The following SLC7A1 variants were observed in gnomAD, a reference collection of about 807,000 sequenced individuals.
The protein encoded by SLC7A1 is high affinity cationic amino acid transporter 1.
Under a neutral mutation model 53.9 loss-of-function variants are expected in SLC7A1, and 10 were observed. The ratio of observed to expected loss-of-function variants is 0.19; its 90% CI spans 0.11 to 0.31. The LOEUF (loss-of-function observed/expected upper bound fraction) is 0.31, where lower values mean the gene tolerates loss of function less well. SLC7A1 is among the 10% of genes least tolerant of loss of function. The pLI is 1.00. For synonymous variants in SLC7A1, 342 were observed against 338.7 expected (o/e 1.01, Z -0.11); for missense variants, 525 against 827.2 (o/e 0.63, Z 4.48).
intron 9 of SLC7A1, among the ~76,000 whole-genome samples, chr13:29,519,039 T>C (rs1419368559): frequency 2.0e-5 from 3 of 152,194 alleles, no homozygotes; most frequent in Non-Finnish European, 4.4e-5. Flanking sequence ...TGCAGAAGCA[T>C]TATGCTGAGC....
chr13:29,531,016 C>T (rs1869130642), intron 4 of SLC7A1, among the ~76,000 whole-genome samples: 2 of 152,146 alleles, frequency 1.3e-5, no homozygotes, highest in South Asian at 2.1e-4. Flanking sequence ...AGCATGAGCC[C>T]CTCTCATAGG....
intron 1 of SLC7A1, among the ~76,000 whole-genome samples, chr13:29,565,795 C>T (rs1870943884): frequency 6.6e-6 from 1 of 152,190 alleles, no homozygotes; most frequent in Non-Finnish European, 1.5e-5. Context: ...CCCACCTTAC[C>T]ATTTCCCTGC....
At position 29,545,989 on chromosome 13, in the gene SLC7A1, C is replaced by T. The variant is rs932142002; in HGVS notation, c.-15+7772G>A. On this transcript the variant is annotated intron_variant, in intron 2 of 12. Coordinates refer to ENST00000380752, the MANE Select transcript of SLC7A1 (RefSeq NM_003045.5). ...GGTGCTTCATCAGGAGAGACGCCCA[C>T]GCCCTGTGTGCAGAAATGTGTTACA... 1.0e-3 allele frequency among the ~76,000 whole-genome samples: 159 copies of T among 152,342 alleles called. 2 individuals carry two copies. Among genetic ancestry groups the T allele is most frequent in the Non-Finnish European group, 1.8e-4 (12 of 68,036 alleles).
At chr13:29,576,293 T>TTTTAAAAAAAAAAAAAAA (rs552407983) in intron 1 of SLC7A1, among the ~76,000 whole-genome samples, 1 of 124,954 alleles carries the variant, frequency 8.0e-6, no homozygotes, top group African/African-American at 3.7e-5. Context: ...TCCTGTTTTT[T>TTTTAAAAAAAAAAAAAAA]AAAAAAAAAA....
Position 29,519,422 on chromosome 13 carries a change from T to A in SLC7A1, c.1292+25A>T, listed in dbSNP as rs140997966. 216 of 1,395,278 alleles carry A rather than the reference T, an allele frequency of 1.5e-4. No individual in the cohort carries two copies. In the African/African-American group the frequency reaches 2.6e-3, roughly 17 times the overall value. 86.4% of individuals were successfully genotyped at this position (1,395,278 alleles called of 1,614,324 possible). ...ACCAGGTGCATCTGCATTTCTGTCA[T>A]GAGACCCCCAAAAGCCATACATACC... On this transcript the variant is annotated intron_variant, in intron 9 of 12. Transcript: ENST00000380752.
chr13:29,562,652 T>C (rs567528899), intron 1 of SLC7A1, among the ~76,000 whole-genome samples: 1 of 152,316 alleles, frequency 6.6e-6, no homozygotes, highest in East Asian at 1.9e-4. Context: ...ACAGTTATCA[T>C]TGTTGTGGTA....
chr13:29,535,832 G>A lies in SLC7A1; in HGVS notation c.357C>T (p.Leu119=), dbSNP rs774429325. Residue 119 remains leucine, a synonymous_variant, in exon 3 of 13, where the codon CTC becomes CTT. Transcript: ENST00000380752. ...CCTGGGACCTACCGATGATGTAGGAGAGGATTAAGTTCCAGCCGGTGATGA... is the reference window on the plus strand; with the variant it reads ...CCTGGGACCTACCGATGATGTAGGAAAGGATTAAGTTCCAGCCGGTGATGA... ...WAFITGWNLI[L]SYIIGTSSVA... 4 of 1,613,682 alleles carry A rather than the reference G, an allele frequency of 2.5e-6. No individual in the cohort carries two copies. Among genetic ancestry groups the A allele is most frequent in the Non-Finnish European group, 3.4e-6 (4 of 1,179,710 alleles).
At chr13:29,590,737 C>T (rs1365379794) in intron 1 of SLC7A1, among the ~76,000 whole-genome samples, 3 of 152,158 alleles carry the variant, frequency 2.0e-5, no homozygotes, top group Non-Finnish European at 4.4e-5. Context: ...ATTTAGAAAC[C>T]CACCCAAGGA....
At chr13:29,570,315 A>C (rs1212935603) in intron 1 of SLC7A1, among the ~76,000 whole-genome samples, 1 of 152,218 alleles carries the variant, frequency 6.6e-6, no homozygotes, top group Non-Finnish European at 1.5e-5. Flanking sequence ...TGAATAGAAA[A>C]ATTCTTTCCA....
chr13:29,542,266 C>T (rs1869697518), intron 2 of SLC7A1, among the ~76,000 whole-genome samples: 1 of 152,058 alleles, frequency 6.6e-6, no homozygotes, highest in Non-Finnish European at 1.5e-5. Context: ...ACCAGCCTGG[C>T]CAACATGGTG....
chr13:29,519,283 C>T (rs1029020625), intron 9 of SLC7A1, among the ~76,000 whole-genome samples, 164 bp downstream of exon 9: 4 of 152,304 alleles, frequency 2.6e-5, no homozygotes, highest in Non-Finnish European at 4.4e-5. Context: ...GGACGTCCTC[C>T]TAACTGGGCT....
chr13:29,557,778 A>AGGAGTGAATGTGAATGAGGG (rs1870508732), intron 1 of SLC7A1, among the ~76,000 whole-genome samples: 1 of 67,994 alleles, frequency 1.5e-5, no homozygotes, highest in Non-Finnish European at 2.8e-5. Flanking sequence ...TGAGTGAGGG[A>AGGAGTGAATGTGAATGAGGG]GGAGTGAATG....
intron 1 of SLC7A1, among the ~76,000 whole-genome samples, chr13:29,564,653 G>A (rs1182727538): frequency 6.6e-6 from 1 of 152,172 alleles, no homozygotes; most frequent in African/African-American, 2.4e-5. Context: ...AGAGGCAATG[G>A]GATGAGGAGG....
At chr13:29,536,555 A>C (rs1255884676) in intron 2 of SLC7A1, among the ~76,000 whole-genome samples, 2 of 152,244 alleles carry the variant, frequency 1.3e-5, no homozygotes, top group South Asian at 2.1e-4. Flanking sequence ...CTCAGTCATC[A>C]GATAATACAC....
intron 8 of SLC7A1, among the ~76,000 whole-genome samples, chr13:29,520,440 C>G (rs1021338451): frequency 6.6e-6 from 1 of 152,206 alleles, no homozygotes; most frequent in East Asian, 1.9e-4. Flanking sequence ...AGTCACTTCA[C>G]GTGGAAGAAA....
intron 2 of SLC7A1, among the ~76,000 whole-genome samples, chr13:29,543,000 C>G (rs1392882216): frequency 3.3e-5 from 5 of 152,182 alleles, no homozygotes; most frequent in African/African-American, 1.2e-4. Context: ...AAGGATATAA[C>G]TAAATTCCAC....
chr13:29,589,359 A>G (rs994238422), intron 1 of SLC7A1, among the ~76,000 whole-genome samples: 2 of 152,216 alleles, frequency 1.3e-5, no homozygotes, highest in Non-Finnish European at 2.9e-5. Context: ...CTGGATGGTG[A>G]TAAATCAAAC....
intron 1 of SLC7A1, among the ~76,000 whole-genome samples, chr13:29,563,014 G>T (rs1446492201): frequency 2.0e-5 from 3 of 152,194 alleles, no homozygotes; most frequent in Admixed American, 6.5e-5. Context: ...GCTGTGCACT[G>T]CAAAAGGCTA....
chr13:29,525,971 C>T (rs894574942), intron 5 of SLC7A1, among the ~76,000 whole-genome samples: 8 of 152,218 alleles, frequency 5.3e-5, no homozygotes, highest in East Asian at 1.9e-4. Flanking sequence ...CCCTGGCAAA[C>T]GGCTTCTGTT....
Sources: gnomAD v4.1 joint callset for allele counts (sites outside exome capture counted in the v4.1 genomes callset) on GRCh38, gnomAD v4.1.1 for gene constraint, MANE v1.5 for transcripts, NCBI Gene and HGNC (gene_info 2026-07-23, HGNC 2026-07-21) for gene names.